The following LTBP2 variants were observed in gnomAD, a reference collection of about 807,000 sequenced individuals.
LTBP2 encodes latent-transforming growth factor beta-binding protein 2.
A neutral mutation model predicts 210.6 loss-of-function variants in LTBP2; 103 were observed. The observed-to-expected ratio is 0.49, with a 90% CI of 0.42 to 0.58. The LOEUF is 0.58. Ranked by LOEUF, LTBP2 falls within the 20% of genes least tolerant of loss-of-function variation. The probability of loss-of-function intolerance (pLI) is 0.00; values close to 1 mark genes in which losing one functional copy is unlikely to be tolerated. For missense variants in LTBP2, 2,313 were observed against 2,494.5 expected, an observed-to-expected ratio of 0.93 and a Z score of 1.55; for synonymous variants, 1,007 against 1,015.0, an observed-to-expected ratio of 0.99 and a Z score of 0.15.
intron 2 of LTBP2, among the ~76,000 whole-genome samples, chr14:74,597,169 G>A (rs1387229992): frequency 6.6e-6 from 1 of 152,206 alleles, no homozygotes; most frequent in Non-Finnish European, 1.5e-5. Context: ...ACACCATGAG[G>A]GTTTGAAGGA....
At chr14:74,561,866 A>G (rs576574519) in intron 3 of LTBP2, among the ~76,000 whole-genome samples, 1 of 152,210 alleles carries the variant, frequency 6.6e-6, no homozygotes, top group East Asian at 1.9e-4. Flanking sequence ...TCAGGGATAG[A>G]TAGGATTTTA....
chr14:74,583,484 G>A (rs1211172177), intron 3 of LTBP2, among the ~76,000 whole-genome samples: 1 of 152,256 alleles, frequency 6.6e-6, no homozygotes, highest in East Asian at 1.9e-4. Context: ...AGGGCACAGA[G>A]AGACTAGGCT....
At chr14:74,509,633 C>A in intron 21 of LTBP2, 101 bp downstream of exon 21, 2 of 1,536,184 alleles carry the variant, frequency 1.3e-6, no homozygotes, top group Non-Finnish European at 1.8e-6. Context: ...TAGCCTGGAG[C>A]CCCTCGGCAT....
intron 2 of LTBP2, among the ~76,000 whole-genome samples, chr14:74,594,375 T>C (rs538542322): frequency 8.5e-5 from 13 of 152,278 alleles, no homozygotes; most frequent in Non-Finnish European, 1.9e-4. Context: ...CCACCCGCTC[T>C]GGTCTGGGGG....
chr14:74,582,593 G>T (rs1273576131), intron 3 of LTBP2, among the ~76,000 whole-genome samples: 1 of 152,070 alleles, frequency 6.6e-6, no homozygotes, highest in Non-Finnish European at 1.5e-5. Context: ...AATCTTTCCT[G>T]TCATCCTATC....
At chr14:74,538,225 T>TA (rs1442584215) in intron 8 of LTBP2, among the ~76,000 whole-genome samples, 2 of 152,202 alleles carry the variant, frequency 1.3e-5, no homozygotes, top group Non-Finnish European at 2.9e-5. Context: ...TCTGGGCACT[T>TA]ACACACTTAG....
chr14:74,608,078 G>A (rs961438826), intron 1 of LTBP2, among the ~76,000 whole-genome samples: 6 of 151,350 alleles, frequency 4.0e-5, no homozygotes, highest in Admixed American at 6.6e-5. Context: ...CCGCCACCGC[G>A]CCCGGCTAAT....
intron 2 of LTBP2, among the ~76,000 whole-genome samples, chr14:74,587,515 G>A (rs1391028307): frequency 6.6e-6 from 1 of 151,382 alleles, no homozygotes; most frequent in African/African-American, 2.4e-5. Flanking sequence ...CCAAAGACCT[G>A]GGCAGTTTCC....
At position 74,525,947 on chromosome 14, in the gene LTBP2, G is replaced by T. The variant is rs1035691935; in HGVS notation, c.2428+128C>A. ...CCCAGAAACAGCACTCACAGGCCAC[G>T]TCCTTCTCACCCTCCTCTGATGTGT... On this transcript the variant is annotated intron_variant, in intron 14 of 35. Coordinates refer to ENST00000261978, the MANE Select transcript of LTBP2 (RefSeq NM_000428.3). 5.8e-6 allele frequency: 6 copies of T among 1,032,504 alleles called. No individual in the cohort carries two copies. In the African/African-American group the frequency reaches 6.4e-5, roughly 11 times the overall value. 64.0% of individuals were successfully genotyped at this position (1,032,504 alleles called of 1,614,324 possible). A position where few individuals can be genotyped will look rare whatever the true frequency, so the allele number is the denominator to read the frequency against.
At chr14:74,513,209 T>C (rs552898581) in intron 18 of LTBP2, among the ~76,000 whole-genome samples, 5 of 152,368 alleles carry the variant, frequency 3.3e-5, no homozygotes, top group African/African-American at 1.2e-4. Flanking sequence ...AGTGTCTTAA[T>C]GCTGGGCATT....
Position 74,535,953 on chromosome 14 carries a change from T to C in LTBP2, c.1837A>G (p.Lys613Glu). The change falls in exon 9 of 36, where the codon AAG (lysine) becomes GAG (glutamate). Residue 613 changes from lysine to glutamate, a missense_variant. This residue lies in a region of LTBP2 where 1,867 missense variants were observed against 1,976.9 expected (regional missense o/e 0.94). Transcript: ENST00000261978. ...NGQLECPQGYKRLNLTHCQDI... is the reference protein window; with the variant it reads ...NGQLECPQGYERLNLTHCQDI... Reference sequence around the variant, plus strand: ...TGGCAGTGAGTGAGGTTCAGTCTCTTGTACCCCTGAGGACACTCCAGCTGG... The same window carrying C: ...TGGCAGTGAGTGAGGTTCAGTCTCTCGTACCCCTGAGGACACTCCAGCTGG... 1 of 1,614,162 alleles carries C rather than the reference T, an allele frequency of 6.2e-7. No homozygotes were observed. The highest frequency in any genetic ancestry group is 8.5e-7 in the Non-Finnish European group (1 of 1,180,010).
intron 2 of LTBP2, among the ~76,000 whole-genome samples, chr14:74,596,301 G>A (rs562416659): frequency 3.3e-5 from 5 of 152,098 alleles, no homozygotes; most frequent in African/African-American, 7.2e-5. Context: ...AACTTGGTAC[G>A]TGAGGGATGG....
Position 74,522,786 on chromosome 14 carries a change from A to G in LTBP2, c.2659+4T>C. 6.2e-7 allele frequency: 1 copy of G among 1,609,988 alleles called. No homozygotes were observed. The highest frequency in any genetic ancestry group is 8.5e-7 in the Non-Finnish European group (1 of 1,178,372). On this transcript the variant is annotated splice_donor_region_variant and intron_variant, in intron 16 of 35. Transcript: ENST00000261978. ...AAGTAAGCCCAGGGCACCCAAGTGA[A>G]TACCTGTGCAGTAGGCCTGGCTGGG...
chr14:74,594,592 C>T (rs2088331150), intron 2 of LTBP2, among the ~76,000 whole-genome samples: 1 of 152,160 alleles, frequency 6.6e-6, no homozygotes, highest in Non-Finnish European at 1.5e-5. Context: ...GCACCTCATC[C>T]ACAGTATTTA....
chr14:74,531,970 A>G (rs966492300), intron 10 of LTBP2, among the ~76,000 whole-genome samples: 5 of 152,228 alleles, frequency 3.3e-5, no homozygotes, highest in African/African-American at 1.2e-4. Context: ...AAGGGGCCAC[A>G]GGATTGTGGA....
intron 3 of LTBP2, among the ~76,000 whole-genome samples, chr14:74,572,305 G>C (rs199642538): frequency 5.4e-5 from 8 of 148,654 alleles, no homozygotes; most frequent in Non-Finnish European, 7.4e-5. Context: ...GTGTGTGTGT[G>C]TCTGTGTGTG....
chr14:74,504,900 C>T (rs2086961432), intron 29 of LTBP2, 39 bp from the exon 30 acceptor site: 4 of 1,613,092 alleles, frequency 2.5e-6, no homozygotes, highest in Non-Finnish European at 3.4e-6. Context: ...TGGGGAGGGC[C>T]CTGCCCCCTT....
Position 74,586,054 on chromosome 14 carries a change from G to A in LTBP2, c.630C>T (p.Arg210=). ...CGCAGCGGGCTCCACGGAAACCAGA[G>A]CGGCAGACACAGAGCTGCGGGCGGC... ...SCSRPQLCVC[R]SGFRGARCEE... Residue 210 remains arginine, a synonymous_variant, in exon 3 of 36, where the codon CGC becomes CGT. Transcript: ENST00000261978. The surrounding 1 kb of genome is among the most constrained non-coding windows in gnomAD (Gnocchi z 4.6). 6.2e-7 allele frequency: 1 copy of A among 1,602,448 alleles called. No homozygotes were observed. The highest frequency in any genetic ancestry group is 8.5e-7 in the Non-Finnish European group (1 of 1,174,832).
At chr14:74,592,825 T>C (rs2088300744) in intron 2 of LTBP2, among the ~76,000 whole-genome samples, 1 of 152,170 alleles carries the variant, frequency 6.6e-6, no homozygotes, top group African/African-American at 2.4e-5. Flanking sequence ...GAAGACGGAA[T>C]ACCCCCCAGC....
Sources: gnomAD v4.1 joint callset for allele counts (sites outside exome capture counted in the v4.1 genomes callset) on GRCh38, gnomAD v4.1.1 for gene constraint, gnomAD v4.1.1 regional missense constraint, Gnocchi (gnomAD v3.1) non-coding constraint, MANE v1.5 for transcripts, NCBI Gene and HGNC (gene_info 2026-07-23, HGNC 2026-07-21) for gene names.